CNTN4: variants seen among roughly 807,000 people sequenced by gnomAD.
CNTN4 encodes the protein contactin-4.
CNTN4 carries 77 observed loss-of-function variants against 122.5 expected under a neutral mutation model. That is an observed-to-expected ratio of 0.63 (90% confidence interval 0.52 to 0.76). The LOEUF is 0.76. CNTN4 is among the 30% of genes least tolerant of loss of function. CNTN4 has a pLI of 0.00. For synonymous variants in CNTN4, 512 were observed against 447.0 expected (o/e 1.15, Z -1.83); for missense variants, 1,256 against 1,259.1 (o/e 1.00, Z 0.04).
In CNTN4 at chr3:2,269,954, ATTTT is replaced by A. The variant is rs1226350068; in HGVS notation, c.-144-69221_-144-69218del. 5.6e-4 allele frequency among the ~76,000 whole-genome samples: 17 copies of A among 30,532 alleles called. 3 individuals are homozygous for A. The highest frequency in any genetic ancestry group is 9.8e-4 in the African/African-American group (14 of 14,236). The allele number at this position is 30,532 out of a possible 152,430, so 20.0% of individuals were successfully genotyped here. Reference sequence around the variant, plus strand: ...TATTTATTTATTTATTTATTTATTTATTTTTTGAGACGGAGTCTCGCTCTGTCGC... The same window carrying A: ...TATTTATTTATTTATTTATTTATTTATTGAGACGGAGTCTCGCTCTGTCGC... On this transcript the variant is annotated intron_variant, in intron 2 of 24. Transcript: ENST00000418658.
rs140202537 is a variant in CNTN4 at position 2,402,663 on chromosome 3, T to C, written c.-89+63430T>C. Among the ~76,000 whole-genome samples the C allele has an allele frequency of 5.9e-4, 90 of 152,244 alleles. 2 individuals carry two copies. The East Asian group carries it at 0.016, about 27-fold the overall frequency. ...CACTAGATCTTTTTCCTTCTATCTG[T>C]ATTTTCGTACTCGTTTGCCATCCCT... On this transcript the variant is annotated intron_variant, in intron 3 of 24. Transcript: ENST00000418658.
chr3:2,935,862 G>C (rs2094563316), intron 13 of CNTN4, among the ~76,000 whole-genome samples: 3 of 152,180 alleles, frequency 2.0e-5, no homozygotes, highest in African/African-American at 7.2e-5. Flanking sequence ...TAATGTTCTT[G>C]TATGAAATGA....
intron 6 of CNTN4, among the ~76,000 whole-genome samples, chr3:2,801,963 T>A (rs112477198): frequency 4.8e-4 from 73 of 152,362 alleles, no homozygotes; most frequent in Middle Eastern, 6.8e-3. Flanking sequence ...TTTTCTCTAT[T>A]TGCTAAAAAT....
rs573789106 is a variant in CNTN4 at position 2,345,963 on chromosome 3, A to C, written c.-89+6730A>C. Among the ~76,000 whole-genome samples the C allele has an allele frequency of 2.0e-5, 3 of 152,230 alleles. No individual in the cohort carries two copies. In the South Asian group the frequency reaches 6.2e-4, roughly 32 times the overall value. On this transcript the variant is annotated intron_variant, in intron 3 of 24. Transcript: ENST00000418658. ...AGATTTCCTTTCTAATTTGTTTTCA[A>C]CCTTTATGTTTAGTTTAGGTGTATC... is the stretch of plus-strand genomic sequence containing the variant.
intron 3 of CNTN4, among the ~76,000 whole-genome samples, chr3:2,486,951 T>C (rs1220474883): frequency 1.3e-5 from 2 of 152,196 alleles, no homozygotes; most frequent in African/African-American, 2.4e-5. Context: ...TTGTGTTCTT[T>C]TTTAAAAAAA....
At chr3:2,463,927 A>G (rs1369610638) in intron 3 of CNTN4, among the ~76,000 whole-genome samples, 1 of 152,066 alleles carries the variant, frequency 6.6e-6, no homozygotes, top group Non-Finnish European at 1.5e-5. Context: ...ATGACCTAGA[A>G]CCAGAACAAG....
At chr3:2,804,737 C>CTTTTTTTT (rs370653933) in intron 6 of CNTN4, among the ~76,000 whole-genome samples, 2 of 144,880 alleles carry the variant, frequency 1.4e-5, no homozygotes, top group Non-Finnish European at 3.0e-5. Flanking sequence ...ATTTTGAGCA[C>CTTTTTTTT]TTTTTTTTTG....
intron 11 of CNTN4, among the ~76,000 whole-genome samples, chr3:2,902,286 T>G (rs1441629055): frequency 1.3e-5 from 2 of 152,010 alleles, no homozygotes; most frequent in Non-Finnish European, 2.9e-5. Flanking sequence ...CGTACTAACT[T>G]TGCCCCCTTC....
chr3:2,180,728 A>G (rs547057171), intron 2 of CNTN4, among the ~76,000 whole-genome samples: 27 of 152,230 alleles, frequency 1.8e-4, no homozygotes, highest in Middle Eastern at 3.4e-3. Flanking sequence ...TCTGTTGACT[A>G]TCACGCACAC....
chr3:2,335,958 T>G (rs959291394), intron 2 of CNTN4, among the ~76,000 whole-genome samples: 1 of 152,184 alleles, frequency 6.6e-6, no homozygotes, highest in African/African-American at 2.4e-5. Context: ...TAGACCAGGT[T>G]GTACTAGACT....
rs73114696 is a variant in CNTN4 at position 2,934,216 on chromosome 3, C to G, written c.1358+8437C>G. Among the ~76,000 whole-genome samples the G allele has an allele frequency of 8.3e-3, 1,262 of 152,292 alleles. 24 individuals are homozygous for G. The highest frequency in any genetic ancestry group is 0.028 in the African/African-American group (1,182 of 41,552). On this transcript the variant is annotated intron_variant, in intron 13 of 24. Transcript: ENST00000418658. ...CATCCATATTCTTAGGCATGTCTTG[C>G]CAAACCGAAATACATGTTTAGGTCT...
chr3:2,522,981 A>G (rs1426713382), intron 3 of CNTN4, among the ~76,000 whole-genome samples: 1 of 152,104 alleles, frequency 6.6e-6, no homozygotes, highest in Non-Finnish European at 1.5e-5. Context: ...TTTATGCCCT[A>G]AATCTTTGCT....
intron 2 of CNTN4, among the ~76,000 whole-genome samples, chr3:2,134,514 T>A (rs1451578051): frequency 6.6e-6 from 1 of 152,116 alleles, no homozygotes; most frequent in Non-Finnish European, 1.5e-5. Flanking sequence ...TGCTAAAAAT[T>A]TCTCGGGTTT....
intron 3 of CNTN4, among the ~76,000 whole-genome samples, chr3:2,340,707 A>AGAGAGAGAGAGAGAGAGAGAGAGGGGGG (rs1174143787): frequency 2.3e-5 from 2 of 85,372 alleles, no homozygotes; most frequent in Admixed American, 1.3e-4. Context: ...ATATATATAT[A>AGAGAGAGAGAGAGAGAGAGAGAGGGGGG]TATAGAGAGA....
At chr3:2,359,910 A>T (rs530205607) in intron 3 of CNTN4, among the ~76,000 whole-genome samples, 1 of 152,326 alleles carries the variant, frequency 6.6e-6, no homozygotes, top group African/African-American at 2.4e-5. Flanking sequence ...ACCAAATTCT[A>T]AGTATTGTGC....
chr3:2,116,368 A>G (rs969205265), intron 2 of CNTN4, among the ~76,000 whole-genome samples: 2 of 152,118 alleles, frequency 1.3e-5, no homozygotes, highest in East Asian at 1.9e-4. Flanking sequence ...AGACGTGTTT[A>G]TGGGACTAAA....
At chr3:2,250,665 T>G (rs2040342003) in intron 2 of CNTN4, among the ~76,000 whole-genome samples, 1 of 151,864 alleles carries the variant, frequency 6.6e-6, no homozygotes, top group Admixed American at 6.6e-5. Flanking sequence ...CCCTTGCTCA[T>G]GAAGGAATTT....
chr3:2,224,769 T>C (rs970813358), intron 2 of CNTN4, among the ~76,000 whole-genome samples: 4 of 152,180 alleles, frequency 2.6e-5, no homozygotes, highest in African/African-American at 9.7e-5. Flanking sequence ...GGGGTATCAG[T>C]TGGCTCTGGG....
At chr3:2,703,808 A>G (rs921491216) in intron 4 of CNTN4, among the ~76,000 whole-genome samples, 2 of 152,122 alleles carry the variant, frequency 1.3e-5, no homozygotes, top group Non-Finnish European at 1.5e-5. Context: ...ACATAGCCCT[A>G]TATGTGTTTA....
Sources: gnomAD v4.1 joint callset for allele counts (sites outside exome capture counted in the v4.1 genomes callset) on GRCh38, gnomAD v4.1.1 for gene constraint, MANE v1.5 for transcripts, NCBI Gene and HGNC (gene_info 2026-07-23, HGNC 2026-07-21) for gene names.